HOMER3: variants seen among roughly 807,000 people sequenced by gnomAD.
HOMER3 encodes homer scaffold protein 3, also known as homer protein homolog 3.
Under a neutral mutation model 45.5 loss-of-function variants are expected in HOMER3, and 34 were observed. The observed-to-expected ratio is 0.75, with a 90% CI of 0.57 to 1.00. The LOEUF is 1.00. Ranked by LOEUF, HOMER3 falls within the 50% of genes least tolerant of loss-of-function variation. HOMER3 has a pLI of 0.00. For missense variants in HOMER3, 480 were observed against 497.5 expected (o/e 0.96, Z 0.33); for synonymous variants, 223 against 208.8 (o/e 1.07, Z -0.58).
At position 18,929,342 on chromosome 19, in the gene HOMER3, G is replaced by T. The variant is rs763241483; in HGVS notation, c.*101C>A. 2.9e-6 allele frequency: 4 copies of T among 1,391,378 alleles called. No homozygotes were observed. In the African/African-American group the frequency reaches 5.6e-5, roughly 20 times the overall value. 86.2% of individuals were successfully genotyped at this position (1,391,378 alleles called of 1,614,324 possible). ...GCCCGGCCCACCCAGGGCTAAGTTG[G>T]GACCCCCCAGTCCCTTTCCAGGACG... On this transcript the variant is annotated 3_prime_UTR_variant, in exon 10 of 10. Coordinates refer to ENST00000392351, the MANE Select transcript of HOMER3 (RefSeq NM_004838.4).
intron 4 of HOMER3, among the ~76,000 whole-genome samples, chr19:18,935,985 C>T (rs2057088535): frequency 6.6e-6 from 1 of 150,632 alleles, no homozygotes; most frequent in Non-Finnish European, 1.5e-5. Flanking sequence ...TGCCATTGCA[C>T]TCCAGCCTGG....
intron 5 of HOMER3, among the ~76,000 whole-genome samples, chr19:18,933,903 AC>A (rs1168599732): frequency 6.6e-6 from 1 of 152,050 alleles, no homozygotes; most frequent in African/African-American, 2.4e-5. Flanking sequence ...GTGGAGTATC[AC>A]CATGTTGGCC....
chr19:18,932,176 G>T, intron 6 of HOMER3, 44 bp from the exon 7 acceptor site: 2 of 1,485,504 alleles, frequency 1.3e-6, no homozygotes, highest in Non-Finnish European at 9.0e-7. Flanking sequence ...CGGGGCTGGG[G>T]GGCGGAGTCG....
At chr19:18,931,140 G>A (rs1000891583) in intron 9 of HOMER3, 185 bp downstream of exon 9, 2 of 567,096 alleles carry the variant, frequency 3.5e-6, no homozygotes, top group African/African-American at 3.7e-5. Flanking sequence ...AGCATTGCTT[G>A]TTGAACCCAT....
chr19:18,934,230 C>A (rs1230154623), intron 5 of HOMER3, 73 bp downstream of exon 5: 11 of 835,272 alleles, frequency 1.3e-5, no homozygotes, highest in Non-Finnish European at 1.9e-5. Context: ...ATATCAAGGT[C>A]CCCCAATATC....
chr19:18,936,641 G>A (rs1407455331), intron 4 of HOMER3, among the ~76,000 whole-genome samples: 1 of 149,704 alleles, frequency 6.7e-6, no homozygotes, highest in East Asian at 2.0e-4. Flanking sequence ...ACTCCAGCCT[G>A]GCAACAGAGC....
chr19:18,935,152 T>G (rs111749562), intron 4 of HOMER3, among the ~76,000 whole-genome samples: 2,365 of 106,660 alleles, frequency 0.022, 27 homozygotes, highest in African/African-American at 0.049. Flanking sequence ...TTTTTTTTTT[T>G]GGGGGGGGAC....
Position 18,938,429 on chromosome 19 carries a change from T to A in HOMER3, c.227A>T (p.Lys76Met), listed in dbSNP as rs187547241. 6.2e-7 allele frequency: 1 copy of A among 1,614,138 alleles called. No homozygotes were observed. The highest frequency in any genetic ancestry group is 1.3e-5 in the African/African-American group (1 of 75,042). ...PNMTFTKTSQKFGQWADSRAN... is the reference protein window; with the variant it reads ...PNMTFTKTSQMFGQWADSRAN... ...GCGACTGTCGGCCCACTGCCCGAAC[T>A]TCTGGGAAGTTTTGGTGAAGGTCAT... is the stretch of plus-strand genomic sequence containing the variant. The change falls in exon 4 of 10, where the codon AAG becomes ATG. Residue 76 changes from lysine (K) to methionine (M), a missense_variant. Coordinates refer to ENST00000392351, the MANE Select transcript of HOMER3 (RefSeq NM_004838.4).
chr19:18,938,124 G>A (rs56245612), intron 4 of HOMER3, among the ~76,000 whole-genome samples: 13,088 of 151,980 alleles, frequency 0.086, 640 homozygotes, highest in Non-Finnish European at 0.11. Flanking sequence ...CCCGGGAGGC[G>A]GAGGTTGCGT....
chr19:18,938,709 A>ACCCCCCC lies in HOMER3; in HGVS notation c.171+18_171+19insGGGGGGG. 1 of 940,948 alleles carries ACCCCCCC rather than the reference A, an allele frequency of 1.1e-6. No homozygotes were observed. The highest frequency in any genetic ancestry group is 1.6e-6 in the Non-Finnish European group (1 of 626,816). 58.3% of individuals were successfully genotyped at this position (940,948 alleles called of 1,614,324 possible). A position where few individuals can be genotyped will look rare whatever the true frequency, so the allele number is the denominator to read the frequency against. On this transcript the variant is annotated intron_variant, in intron 3 of 9. Transcript: ENST00000392351. Reference sequence around the variant, plus strand: ...CCAGGACTCCTGGTGCCTCTGCCCCACCCAGACCCCACCCTGACCTTGGCG... The same window carrying ACCCCCCC: ...CCAGGACTCCTGGTGCCTCTGCCCCACCCCCCCCCCAGACCCCACCCTGACCTTGGCG...
At chr19:18,937,869 T>C (rs1239196724) in intron 4 of HOMER3, among the ~76,000 whole-genome samples, 5 of 151,724 alleles carry the variant, frequency 3.3e-5, no homozygotes, top group Non-Finnish European at 5.9e-5. Flanking sequence ...GAGCAGGGTG[T>C]GTCCAAAATT....
At chr19:18,931,263 C>G in intron 9 of HOMER3, 62 bp downstream of exon 9, 2 of 1,384,560 alleles carry the variant, frequency 1.4e-6, no homozygotes, top group Non-Finnish European at 2.0e-6. Flanking sequence ...AGATATTGTC[C>G]TGAGTGTCTG....
intron 1 of HOMER3, chr19:18,940,574 C>T (rs1432198185): frequency 6.6e-6 from 1 of 152,382 alleles, no homozygotes; most frequent in Non-Finnish European, 1.5e-5. Context: ...CGCCCCCTGT[C>T]TCTGGGTCCA....
rs78642721 is a variant in HOMER3, at chr19:18,931,351, G to A, written c.868C>T (p.Arg290Cys). Residue 290 changes from arginine to cysteine, a missense_variant, in exon 9 of 10, where the codon CGT becomes TGT. Coordinates refer to ENST00000392351, the MANE Select transcript of HOMER3 (RefSeq NM_004838.4). The part of the protein sequence containing the change: ...GPREALEAAE[R>C]EETQQKVQDL... The stretch of plus-strand genomic sequence containing the variant: ...TGCACCTTCTGCTGAGTCTCCTCAC[G>A]CTCGGCAGCCTCCAGGGCCTCGCGG... 8,790 of 1,614,046 alleles carry A rather than the reference G, an allele frequency of 5.4e-3. 49 individuals are homozygous for A. The highest frequency in any genetic ancestry group is 0.017 in the South Asian group (1,508 of 91,086).
At chr19:18,938,612 G>A in intron 3 of HOMER3, 116 bp downstream of exon 3, 3 of 1,496,454 alleles carry the variant, frequency 2.0e-6, no homozygotes, top group Admixed American at 1.9e-5. Flanking sequence ...ATAGAGACTA[G>A]GGCCTGGGAA....
At chr19:18,929,793 C>T (rs2057010586) in intron 9 of HOMER3, among the ~76,000 whole-genome samples, 159 bp from the exon 10 acceptor site, 1 of 152,192 alleles carries the variant, frequency 6.6e-6, no homozygotes. Flanking sequence ...AGGGGCCTAG[C>T]TTCTGCCCTC....
In HOMER3 at chr19:18,929,320, C is replaced by T. The variant is rs746464111; in HGVS notation, c.*123G>A. 11 of 1,166,554 alleles carry T rather than the reference C, an allele frequency of 9.4e-6. No individual in the cohort carries two copies. The highest frequency in any genetic ancestry group is 1.7e-5 in the Admixed American group (1 of 59,330). 72.3% of individuals were successfully genotyped at this position (1,166,554 alleles called of 1,614,324 possible). On this transcript the variant is annotated 3_prime_UTR_variant, in exon 10 of 10. Transcript: ENST00000392351. ...GGGCCCACCCCAGCCCAGCCCGGCCCGGCCCACCCAGGGCTAAGTTGGGAC... is the reference window on the plus strand; with the variant it reads ...GGGCCCACCCCAGCCCAGCCCGGCCTGGCCCACCCAGGGCTAAGTTGGGAC...
At chr19:18,931,115 T>C in intron 9 of HOMER3, 1 of 543,066 alleles carries the variant, frequency 1.8e-6, no homozygotes, top group Non-Finnish European at 3.3e-6. Context: ...GGCATGGGAA[T>C]ACAGCAGGAA....
intron 4 of HOMER3, among the ~76,000 whole-genome samples, chr19:18,936,325 T>TAAAC (rs949934317): frequency 7.4e-6 from 1 of 134,554 alleles, no homozygotes; most frequent in Admixed American, 7.5e-5. Flanking sequence ...AAAAAATAAA[T>TAAAC]AAATAAATAA....
Sources: gnomAD v4.1 joint callset for allele counts (sites outside exome capture counted in the v4.1 genomes callset) on GRCh38, gnomAD v4.1.1 for gene constraint, MANE v1.5 for transcripts, NCBI Gene and HGNC (gene_info 2026-07-23, HGNC 2026-07-21) for gene names.